Variants in RAD51B observed in about 807,000 individuals in gnomAD.
RAD51B encodes RAD51 paralog B, also known as DNA repair protein RAD51 homolog 2.
Under a neutral mutation model 42.2 loss-of-function variants are expected in RAD51B, and 38 were observed. That is an observed-to-expected ratio of 0.90 (90% CI 0.70 to 1.18). The LOEUF (loss-of-function observed/expected upper bound fraction) is 1.18. Ranked by LOEUF, RAD51B falls within the 50% of genes most tolerant of loss-of-function variation. RAD51B has a pLI of 0.00. For synonymous variants in RAD51B, 154 were observed against 145.2 expected, an observed-to-expected ratio of 1.06 and a Z score of -0.43; for missense variants, 373 against 400.7, an observed-to-expected ratio of 0.93 and a Z score of 0.59.
chr14:68,515,093 T>A (rs180999223), intron 10 of RAD51B, among the ~76,000 whole-genome samples: 16 of 152,338 alleles, frequency 1.1e-4, no homozygotes, highest in Admixed American at 9.8e-4. Flanking sequence ...TTGTTGGCCA[T>A]TTGTGTATCT....
chr14:68,217,476 C>T (rs1423043833), intron 7 of RAD51B, among the ~76,000 whole-genome samples: 3 of 152,116 alleles, frequency 2.0e-5, no homozygotes, highest in South Asian at 2.1e-4. Context: ...CTCTATGATG[C>T]GGGTGCATGG....
intron 5 of RAD51B, among the ~76,000 whole-genome samples, chr14:67,880,878 T>C (rs753146004): frequency 6.6e-6 from 1 of 152,228 alleles, no homozygotes; most frequent in Non-Finnish European, 1.5e-5. Flanking sequence ...TATGTTGTTA[T>C]GGAAAAATCC....
intron 11 of RAD51B, among the ~76,000 whole-genome samples, chr14:68,678,633 G>A (rs916950793): frequency 3.9e-5 from 6 of 152,086 alleles, no homozygotes; most frequent in African/African-American, 7.2e-5. Flanking sequence ...ATGACCTGAG[G>A]CCTCAGCTTT....
intron 8 of RAD51B, among the ~76,000 whole-genome samples, chr14:68,409,726 A>G (rs774679930): frequency 6.6e-6 from 1 of 152,216 alleles, no homozygotes; most frequent in East Asian, 1.9e-4. Context: ...GCAGCTGACA[A>G]AGTGCTCAGA....
chr14:67,876,217 C>T lies in RAD51B; in HGVS notation c.453-9652C>T, dbSNP rs115402024. Among the ~76,000 whole-genome samples, 1,372 of 152,116 alleles carry T rather than the reference C, an allele frequency of 9.0e-3. 22 individuals are homozygous for T. Among genetic ancestry groups the T allele is most frequent in the African/African-American group, 0.031 (1,296 of 41,488 alleles). ...ATGATGAATGAACAGAGATATAGTA[C>T]GTATGTACAAGAAGCTTTGAGAAGC... On this transcript the variant is annotated intron_variant, in intron 5 of 10. Transcript: ENST00000471583.
intron 8 of RAD51B, among the ~76,000 whole-genome samples, chr14:68,339,752 A>G (rs2139831788): frequency 6.6e-6 from 1 of 152,342 alleles, no homozygotes; most frequent in African/African-American, 2.4e-5. Context: ...CCTCTTATAA[A>G]TAGGGATCAG....
intron 7 of RAD51B, among the ~76,000 whole-genome samples, chr14:67,949,093 C>T (rs1295742584): frequency 5.9e-5 from 9 of 151,978 alleles, no homozygotes; most frequent in African/African-American, 1.9e-4. Context: ...TGATCAGGGT[C>T]GTGGTTGCTA....
intron 10 of RAD51B, among the ~76,000 whole-genome samples, chr14:68,630,875 A>G (rs189100942): frequency 5.9e-5 from 9 of 152,270 alleles, no homozygotes; most frequent in African/African-American, 1.4e-4. Flanking sequence ...ACTCCATTTC[A>G]ACAGCGTCAC....
intron 7 of RAD51B, among the ~76,000 whole-genome samples, chr14:68,156,453 ATT>A (rs2078507783): frequency 4.1e-5 from 2 of 48,568 alleles, no homozygotes; most frequent in South Asian, 7.5e-4. Context: ...ACCTTAGAAA[ATT>A]TCTCTCTCTC....
intron 7 of RAD51B, among the ~76,000 whole-genome samples, chr14:68,056,696 C>T (rs1258034347): frequency 2.0e-5 from 3 of 150,418 alleles, no homozygotes; most frequent in South Asian, 2.1e-4. Flanking sequence ...TGCAGTGAGC[C>T]GAGATCACAC....
rs550553348 is a variant in RAD51B at position 68,419,906 on chromosome 14, C to T, written c.957+8379C>T. On this transcript the variant is annotated intron_variant, in intron 9 of 10. Coordinates refer to ENST00000471583, the MANE Select transcript of RAD51B (RefSeq NM_133510.4). ...CCCATAGTTGATAATGGACAACATC[C>T]TTGCTTGGTTCTTGTGCACCAGGTG... 7.2e-5 allele frequency among the ~76,000 whole-genome samples: 11 copies of T among 152,290 alleles called. No homozygotes were observed. The South Asian group carries it at 1.7e-3, about 23-fold the overall frequency.
In RAD51B at chr14:67,832,436, T is replaced by C. The variant is rs1049815379; in HGVS notation, c.199-2644T>C. ...TAATGGTTATCTCAGGATTGTGGAA[T>C]TTTTTACTGTTCTGTTTTCTTTAAC... On this transcript the variant is annotated intron_variant, in intron 3 of 10. Coordinates refer to ENST00000471583, the MANE Select transcript of RAD51B (RefSeq NM_133510.4). Among the ~76,000 whole-genome samples the C allele has an allele frequency of 2.0e-5, 3 of 150,862 alleles. 1 individual carries two copies. The highest frequency in any genetic ancestry group is 4.4e-5 in the Non-Finnish European group (3 of 67,706).
At chr14:68,230,807 C>G (rs1488811371) in intron 7 of RAD51B, among the ~76,000 whole-genome samples, 5 of 152,154 alleles carry the variant, frequency 3.3e-5, no homozygotes, top group Non-Finnish European at 5.9e-5. Flanking sequence ...AAATGTAAAT[C>G]AGTAACTAGC....
chr14:68,533,667 G>C (rs1887446920), intron 10 of RAD51B, among the ~76,000 whole-genome samples: 1 of 150,292 alleles, frequency 6.7e-6, no homozygotes, highest in Admixed American at 6.6e-5. Context: ...ATCATTGGAG[G>C]TCTGAGGGGA....
chr14:68,140,749 A>C (rs2078112585), intron 7 of RAD51B, among the ~76,000 whole-genome samples: 1 of 152,166 alleles, frequency 6.6e-6, no homozygotes. Flanking sequence ...ATACTTTTTC[A>C]AAGAAGTCTC....
intron 10 of RAD51B, among the ~76,000 whole-genome samples, chr14:68,531,206 A>T (rs1031369608): frequency 1.3e-5 from 2 of 152,046 alleles, no homozygotes; most frequent in African/African-American, 4.8e-5. Flanking sequence ...AACCTAAGAG[A>T]AGATAAGAAA....
At chr14:68,044,622 A>G (rs2076269778) in intron 7 of RAD51B, among the ~76,000 whole-genome samples, 1 of 152,114 alleles carries the variant, frequency 6.6e-6, no homozygotes, top group Admixed American at 6.5e-5. Flanking sequence ...ATAAAAATTT[A>G]TGTTTTTCTT....
At chr14:68,576,285 C>T (rs1889958326) in intron 10 of RAD51B, among the ~76,000 whole-genome samples, 1 of 152,160 alleles carries the variant, frequency 6.6e-6, no homozygotes, top group South Asian at 2.1e-4. Context: ...CAGAGCAGGG[C>T]ACCAAAGGGA....
At chr14:68,376,081 A>G (rs1205835165) in intron 8 of RAD51B, among the ~76,000 whole-genome samples, 4 of 152,166 alleles carry the variant, frequency 2.6e-5, no homozygotes, top group African/African-American at 9.7e-5. Flanking sequence ...TGTTGGGGCC[A>G]CTTAAGGATT....
Sources: gnomAD v4.1 joint callset for allele counts (sites outside exome capture counted in the v4.1 genomes callset) on GRCh38, gnomAD v4.1.1 for gene constraint, MANE v1.5 for transcripts, NCBI Gene and HGNC (gene_info 2026-07-23, HGNC 2026-07-21) for gene names.